The following THSD4 variants were observed in gnomAD, a reference collection of about 807,000 sequenced individuals.
THSD4 encodes thrombospondin type 1 domain containing 4.
In THSD4, 69 loss-of-function variants were observed where a neutral mutation model predicts 119.0. That is an observed-to-expected ratio of 0.58 (90% CI 0.48 to 0.71). The LOEUF (loss-of-function observed/expected upper bound fraction) is 0.71. Among genes scored for constraint, THSD4 ranks in the 30% least tolerant of loss-of-function variants. The pLI is 0.00. For synonymous variants in THSD4, 524 were observed against 540.4 expected (o/e 0.97, Z 0.42); for missense variants, 1,393 against 1,391.1 (o/e 1.00, Z -0.02).
chr15:71,772,842 AAAATATAAAAT>A lies in THSD4; in HGVS notation c.2914+1636_2914+1646del, dbSNP rs570680459. Among the ~76,000 whole-genome samples, 67 of 152,324 alleles carry A rather than the reference AAAATATAAAAT, an allele frequency of 4.4e-4. No individual in the cohort carries two copies. In the East Asian group the frequency reaches 0.01, roughly 23 times the overall value. ...TGAGACCACACTGAAGATCCCTTTA[AAAATATAAAAT>A]ATATAAATGTCTAATGGATTAAAGA... On this transcript the variant is annotated intron_variant, in intron 17 of 17. Transcript: ENST00000261862.
In THSD4 at chr15:71,416,511, T is replaced by A. The variant is rs2046760383; in HGVS notation, c.1152+4688T>A. Reference sequence around the variant, plus strand: ...CCATCATTTGTTATTGCCTCACTTTTAGTAAGTTATTCACTCATATTAGAA... The same window carrying A: ...CCATCATTTGTTATTGCCTCACTTTAAGTAAGTTATTCACTCATATTAGAA... On this transcript the variant is annotated intron_variant, in intron 7 of 17. Transcript: ENST00000261862. Among the ~76,000 whole-genome samples the A allele has an allele frequency of 1.9e-5, 2 of 107,918 alleles. 1 individual carries two copies. The highest frequency in any genetic ancestry group is 6.3e-5 in the African/African-American group (2 of 31,728). 70.8% of individuals were successfully genotyped at this position (107,918 alleles called of 152,430 possible).
At chr15:71,155,388 A>G (rs1271358353) in intron 3 of THSD4, among the ~76,000 whole-genome samples, 2 of 152,214 alleles carry the variant, frequency 1.3e-5, no homozygotes, top group African/African-American at 2.4e-5. Flanking sequence ...AACTATCCCT[A>G]TGATCCAATC....
intron 6 of THSD4, among the ~76,000 whole-genome samples, chr15:71,287,904 C>T (rs1323424038): frequency 6.6e-6 from 1 of 152,142 alleles, no homozygotes; most frequent in African/African-American, 2.4e-5. Context: ...ATTTCTATGG[C>T]TGAGAGCTAA....
intron 3 of THSD4, among the ~76,000 whole-genome samples, chr15:71,200,115 G>T (rs910432467): frequency 2.0e-5 from 3 of 152,070 alleles, no homozygotes; most frequent in South Asian, 2.1e-4. Context: ...GCATTTTCCA[G>T]CGCTCCCTGC....
At chr15:71,456,189 C>A (rs760325098) in intron 7 of THSD4, among the ~76,000 whole-genome samples, 1 of 152,176 alleles carries the variant, frequency 6.6e-6, no homozygotes, top group African/African-American at 2.4e-5. Flanking sequence ...GAAAATGTCC[C>A]GTTAAGCATC....
chr15:71,298,705 T>G (rs1336713601), intron 6 of THSD4, among the ~76,000 whole-genome samples: 1 of 149,576 alleles, frequency 6.7e-6, no homozygotes, highest in Admixed American at 6.8e-5. Flanking sequence ...CTCTGCCTCC[T>G]GGGTTCAAGC....
intron 1 of THSD4, among the ~76,000 whole-genome samples, chr15:71,100,637 G>A (rs1291015492): frequency 1.3e-5 from 2 of 152,146 alleles, no homozygotes; most frequent in African/African-American, 4.8e-5. Context: ...CATAGAAACA[G>A]ATATCTAATA....
intron 8 of THSD4, among the ~76,000 whole-genome samples, chr15:71,675,991 A>G (rs775212661): frequency 1.3e-5 from 2 of 152,134 alleles, no homozygotes; most frequent in African/African-American, 2.4e-5. Flanking sequence ...CTTGATTACA[A>G]TCATGCATCC....
At chr15:71,561,165 G>A (rs547825667) in intron 7 of THSD4, among the ~76,000 whole-genome samples, 27 of 151,758 alleles carry the variant, frequency 1.8e-4, no homozygotes, top group Middle Eastern at 3.4e-3. Flanking sequence ...TAGTAGAGAC[G>A]GAGTTTCACC....
intron 7 of THSD4, among the ~76,000 whole-genome samples, chr15:71,477,994 C>T (rs1236441276): frequency 6.6e-6 from 1 of 152,302 alleles, no homozygotes; most frequent in Non-Finnish European, 1.5e-5. Flanking sequence ...AGCCCCAAGG[C>T]TTGGAGGCTG....
intron 7 of THSD4, among the ~76,000 whole-genome samples, chr15:71,539,779 C>T (rs148732712): frequency 6.6e-6 from 1 of 152,268 alleles, no homozygotes; most frequent in East Asian, 1.9e-4. Context: ...CTATAAAGCC[C>T]TCCTTTGCAT....
chr15:71,582,693 T>C (rs994869609), intron 7 of THSD4, among the ~76,000 whole-genome samples: 1 of 152,166 alleles, frequency 6.6e-6, no homozygotes, highest in Non-Finnish European at 1.5e-5. Context: ...ATGAAGGATG[T>C]TGAATTTTGT....
chr15:71,553,901 GC>G (rs1472159483), intron 7 of THSD4, among the ~76,000 whole-genome samples: 6 of 151,760 alleles, frequency 4.0e-5, no homozygotes, highest in Non-Finnish European at 8.8e-5. Flanking sequence ...CATTAAATTT[GC>G]TACTGTATTT....
rs955137136 is a variant in THSD4, at chr15:71,782,553, G to C, written c.*5179G>C. 1 of 152,194 alleles carries C rather than the reference G, an allele frequency of 6.6e-6. No individual in the cohort carries two copies. The highest frequency in any genetic ancestry group is 1.5e-5 in the Non-Finnish European group (1 of 68,044). The allele number at this position is 152,194 out of a possible 1,614,324, so 9.4% of individuals were successfully genotyped here. On this transcript the variant is annotated 3_prime_UTR_variant, in exon 18 of 18. Coordinates refer to ENST00000261862, the MANE Select transcript of THSD4 (RefSeq NM_024817.3). The stretch of plus-strand genomic sequence containing the variant: ...GAATGTGTTAATTTTAAAGGGACCT[G>C]ATAGGTATTTATTTACATATGCGAT...
At chr15:71,424,414 G>A (rs1254267585) in intron 7 of THSD4, among the ~76,000 whole-genome samples, 1 of 152,102 alleles carries the variant, frequency 6.6e-6, no homozygotes. Flanking sequence ...ACAGGGACTG[G>A]AAGGAGTCTA....
At chr15:71,323,096 TA>T (rs34395762) in intron 6 of THSD4, among the ~76,000 whole-genome samples, 2,394 of 98,506 alleles carry the variant, frequency 0.024, 28 homozygotes, top group African/African-American at 0.042. Flanking sequence ...GACCCTGTCT[TA>T]AAAAAAAAAA....
intron 7 of THSD4, among the ~76,000 whole-genome samples, chr15:71,475,377 T>C (rs1356670642): frequency 1.3e-5 from 2 of 152,238 alleles, no homozygotes; most frequent in Non-Finnish European, 2.9e-5. Flanking sequence ...AATTTTCTAT[T>C]TATAAAAATG....
At position 71,285,680 on chromosome 15, in the gene THSD4, C is replaced by T. The variant is rs997644729; in HGVS notation, c.1015+28965C>T. 3.3e-5 allele frequency among the ~76,000 whole-genome samples: 5 copies of T among 151,852 alleles called. No homozygotes were observed. In the South Asian group the frequency reaches 8.3e-4, roughly 25 times the overall value. On this transcript the variant is annotated intron_variant, in intron 6 of 17. Transcript: ENST00000261862. ...ACCAGTCTGGCCAATATGGTAAAAC[C>T]CTGTCTCTACTAAAAATACAAAAAT... is the stretch of plus-strand genomic sequence containing the variant.
At chr15:71,356,889 G>A (rs1443662190) in intron 6 of THSD4, among the ~76,000 whole-genome samples, 1 of 152,184 alleles carries the variant, frequency 6.6e-6, no homozygotes, top group Admixed American at 6.5e-5. Context: ...AGCACTGTAT[G>A]GCAGGAAGAC....
Sources: allele counts gnomAD v4.1 joint callset (sites outside exome capture counted in the v4.1 genomes callset), GRCh38; gene constraint gnomAD v4.1.1; transcripts MANE v1.5; gene names NCBI Gene and HGNC (gene_info 2026-07-23, HGNC 2026-07-21).